Variants in GPC5 observed in about 807,000 individuals in gnomAD.
GPC5 encodes the protein glypican 5.
A neutral mutation model predicts 53.9 loss-of-function variants in GPC5; 47 were observed. The ratio of observed to expected loss-of-function variants is 0.87; its 90% CI spans 0.69 to 1.11. The LOEUF is 1.11. Among genes scored for constraint, GPC5 ranks in the 50% most tolerant of loss-of-function variants. The probability of loss-of-function intolerance (pLI) is 0.00; values close to 1 mark genes in which losing one functional copy is unlikely to be tolerated. For missense variants in GPC5, 748 were observed against 713.1 expected, an observed-to-expected ratio of 1.05 and a Z score of -0.56; for synonymous variants, 286 against 263.3, an observed-to-expected ratio of 1.09 and a Z score of -0.84.
intron 7 of GPC5, among the ~76,000 whole-genome samples, chr13:92,470,634 C>T (rs1015538172): frequency 2.6e-5 from 4 of 152,136 alleles, no homozygotes; most frequent in African/African-American, 9.7e-5. Flanking sequence ...CATCTTCTCC[C>T]TCAACCACTG....
intron 4 of GPC5, among the ~76,000 whole-genome samples, chr13:91,746,595 C>G: frequency 6.6e-6 from 1 of 152,062 alleles, no homozygotes; most frequent in East Asian, 1.9e-4. Context: ...GTATGCCTTT[C>G]GAACATAGTT....
intron 7 of GPC5, among the ~76,000 whole-genome samples, chr13:92,617,824 T>G (rs960912496): frequency 1.3e-5 from 2 of 152,140 alleles, no homozygotes; most frequent in Admixed American, 6.6e-5. Context: ...ACTTACAGGA[T>G]TTTATTCTTT....
intron 2 of GPC5, among the ~76,000 whole-genome samples, chr13:91,479,016 G>A (rs989071001): frequency 6.7e-6 from 1 of 150,104 alleles, no homozygotes; most frequent in Non-Finnish European, 1.5e-5. Flanking sequence ...GGGTTCAAGC[G>A]ATTCTCCTGT....
chr13:92,399,979 G>T (rs1875483646), intron 7 of GPC5, among the ~76,000 whole-genome samples: 1 of 152,136 alleles, frequency 6.6e-6, no homozygotes, highest in African/African-American at 2.4e-5. Flanking sequence ...CACTCAGTTT[G>T]TGGTCAGATA....
intron 4 of GPC5, among the ~76,000 whole-genome samples, chr13:91,746,120 A>T (rs972063977): frequency 1.3e-5 from 2 of 152,228 alleles, no homozygotes; most frequent in African/African-American, 4.8e-5. Flanking sequence ...TCTGCTGAGC[A>T]GGAGACTGAC....
chr13:92,108,661 A>C (rs2041528584), intron 6 of GPC5, among the ~76,000 whole-genome samples: 1 of 152,230 alleles, frequency 6.6e-6, no homozygotes, highest in South Asian at 2.1e-4. Context: ...CATGTTGACT[A>C]TTCGCAATCC....
chr13:91,750,296 G>A (rs1381963291), intron 4 of GPC5, among the ~76,000 whole-genome samples: 1 of 152,104 alleles, frequency 6.6e-6, no homozygotes, highest in African/African-American at 2.4e-5. Flanking sequence ...TGGTCAAACT[G>A]TTACTCTTAA....
intron 7 of GPC5, among the ~76,000 whole-genome samples, chr13:92,793,552 G>C (rs868676398): frequency 3.3e-5 from 5 of 151,970 alleles, no homozygotes; most frequent in Middle Eastern, 3.4e-3. Flanking sequence ...AACTGAGAGA[G>C]ACAGAGACAC....
chr13:91,929,743 G>A (rs1261864062), intron 6 of GPC5, among the ~76,000 whole-genome samples: 1 of 151,768 alleles, frequency 6.6e-6, no homozygotes, highest in Non-Finnish European at 1.5e-5. Flanking sequence ...TTTGTTTCAT[G>A]TATATCTATT....
chr13:91,581,294 A>G (rs1367980142), intron 2 of GPC5, among the ~76,000 whole-genome samples: 2 of 152,130 alleles, frequency 1.3e-5, no homozygotes, highest in Non-Finnish European at 2.9e-5. Context: ...GAAAATAAAA[A>G]GTAGATAGGA....
intron 1 of GPC5, among the ~76,000 whole-genome samples, chr13:91,416,971 C>A (rs1594059917): frequency 6.6e-6 from 1 of 152,100 alleles, no homozygotes; most frequent in East Asian, 1.9e-4. Flanking sequence ...TTTTACCATT[C>A]CCTTGAAACA....
At chr13:91,867,062 A>G (rs1402731978) in intron 5 of GPC5, among the ~76,000 whole-genome samples, 2 of 152,128 alleles carry the variant, frequency 1.3e-5, no homozygotes, top group African/African-American at 4.8e-5. Context: ...CTAAAAATAC[A>G]AAGTTAGCTG....
intron 7 of GPC5, among the ~76,000 whole-genome samples, chr13:92,177,404 G>C (rs1015234865): frequency 2.0e-5 from 3 of 152,106 alleles, no homozygotes; most frequent in Non-Finnish European, 2.9e-5. Flanking sequence ...TATTTCAAAT[G>C]ATTAACCTAT....
chr13:91,638,975 G>A (rs572710570), intron 2 of GPC5, among the ~76,000 whole-genome samples: 22 of 152,266 alleles, frequency 1.4e-4, no homozygotes, highest in Admixed American at 1.3e-3. Flanking sequence ...CTTAAAGAAA[G>A]TAAAGATAAA....
At chr13:92,516,964 C>A (rs548942340) in intron 7 of GPC5, among the ~76,000 whole-genome samples, 1 of 151,954 alleles carries the variant, frequency 6.6e-6, no homozygotes, top group Non-Finnish European at 1.5e-5. Context: ...CCTGGAAAAT[C>A]GGGTCACTCC....
intron 5 of GPC5, among the ~76,000 whole-genome samples, chr13:91,897,329 AG>A (rs1313066955): frequency 1.5e-5 from 2 of 137,890 alleles, no homozygotes; most frequent in Non-Finnish European, 3.1e-5. Context: ...GTAAATATAG[AG>A]AATGCTGTGT....
intron 7 of GPC5, among the ~76,000 whole-genome samples, chr13:92,768,911 G>A (rs1430192495): frequency 6.6e-6 from 1 of 151,896 alleles, no homozygotes. Flanking sequence ...CTCCAACGTC[G>A]AGGATATGTG....
intron 2 of GPC5, among the ~76,000 whole-genome samples, chr13:91,476,733 A>C (rs1882950973): frequency 6.6e-6 from 1 of 152,164 alleles, no homozygotes; most frequent in Non-Finnish European, 1.5e-5. Context: ...GAATTAAATG[A>C]CCTACTAAAG....
chr13:91,680,412 G>A (rs2035480249), intron 2 of GPC5, among the ~76,000 whole-genome samples: 1 of 152,182 alleles, frequency 6.6e-6, no homozygotes, highest in Non-Finnish European at 1.5e-5. Flanking sequence ...TCGCAACACT[G>A]CACTCCAGCC....
Sources: gnomAD v4.1 joint callset for allele counts (sites outside exome capture counted in the v4.1 genomes callset) on GRCh38, gnomAD v4.1.1 for gene constraint, MANE v1.5 for transcripts, NCBI Gene and HGNC (gene_info 2026-07-23, HGNC 2026-07-21) for gene names.